The following SHB variants were observed in gnomAD, a reference collection of about 807,000 sequenced individuals.
The protein encoded by SHB is SH2 domain-containing adapter protein B.
Under a neutral mutation model 52.3 loss-of-function variants are expected in SHB, and 20 were observed. The ratio of observed to expected loss-of-function variants is 0.38; its 90% CI spans 0.27 to 0.56. The LOEUF is 0.56. SHB is among the 20% of genes least tolerant of loss of function. The pLI, the probability that SHB is intolerant of heterozygous loss-of-function variation, is 0.71. For synonymous variants in SHB, 397 were observed against 316.5 expected, an observed-to-expected ratio of 1.25 and a Z score of -2.70; for missense variants, 825 against 723.3, an observed-to-expected ratio of 1.14 and a Z score of -1.61.
intron 2 of SHB, among the ~76,000 whole-genome samples, chr9:38,005,284 A>G (rs2118051287): frequency 6.6e-6 from 1 of 152,326 alleles, no homozygotes; most frequent in Non-Finnish European, 1.5e-5. Flanking sequence ...ATACCCTGAA[A>G]GGGAGAGTGA....
At chr9:37,990,523 C>A (rs1271568153) in intron 2 of SHB, among the ~76,000 whole-genome samples, 2 of 152,038 alleles carry the variant, frequency 1.3e-5, no homozygotes, top group Admixed American at 1.3e-4. Flanking sequence ...GAATTTAGCA[C>A]AGAAAACAAA....
intron 1 of SHB, among the ~76,000 whole-genome samples, chr9:38,030,816 C>G (rs922333666): frequency 1.3e-5 from 2 of 152,168 alleles, no homozygotes; most frequent in Non-Finnish European, 2.9e-5. Context: ...AGACTGTAAT[C>G]CCCTCCTCTT....
chr9:37,990,915 C>T (rs544416936), intron 2 of SHB, among the ~76,000 whole-genome samples: 5 of 152,172 alleles, frequency 3.3e-5, no homozygotes, highest in African/African-American at 4.8e-5. Context: ...TTTGTAGATA[C>T]GCACAGATGT....
intron 4 of SHB, among the ~76,000 whole-genome samples, chr9:37,954,128 C>T (rs1282363433): frequency 1.3e-5 from 2 of 152,212 alleles, no homozygotes; most frequent in African/African-American, 2.4e-5. Flanking sequence ...ACAGTTTGAT[C>T]AGAAATAAGC....
chr9:37,928,682 C>A (rs1280342155), intron 5 of SHB, among the ~76,000 whole-genome samples: 1 of 152,366 alleles, frequency 6.6e-6, no homozygotes, highest in East Asian at 1.9e-4. Flanking sequence ...CAGAGTCCAC[C>A]CTTGCTGCTG....
chr9:37,961,755 G>A (rs1021388169), intron 3 of SHB, among the ~76,000 whole-genome samples: 1 of 152,208 alleles, frequency 6.6e-6, no homozygotes, highest in African/African-American at 2.4e-5. Context: ...GGTAGGTTTT[G>A]CTCTAGACCC....
At chr9:37,947,631 G>A (rs1280195337) in intron 5 of SHB, among the ~76,000 whole-genome samples, 1 of 152,200 alleles carries the variant, frequency 6.6e-6, no homozygotes, top group African/African-American at 2.4e-5. Flanking sequence ...CAGAAGTTGT[G>A]GGGGGAGGGG....
rs1832131232 is a variant in SHB at position 37,918,441 on chromosome 9, GT to G, written c.*1379del. 7.9e-6 allele frequency among the ~76,000 whole-genome samples: 1 copy of G among 125,874 alleles called. No individual in the cohort carries two copies. Among genetic ancestry groups the G allele is most frequent in the African/African-American group, 3.1e-5 (1 of 32,606 alleles). The allele number at this position is 125,874 out of a possible 152,430, so 82.6% of individuals were successfully genotyped here. A position where few individuals can be genotyped will look rare whatever the true frequency, so the allele number is the denominator to read the frequency against. Reference sequence around the variant, plus strand: ...GAGGGCTGTGTGTGTGTGTGTGTGTGTGTGTAGGTGTTCTTGTGTGTGGAAG... The same window carrying G: ...GAGGGCTGTGTGTGTGTGTGTGTGTGGTGTAGGTGTTCTTGTGTGTGGAAG... On this transcript the variant is annotated 3_prime_UTR_variant, in exon 6 of 6. Coordinates refer to ENST00000377707, the MANE Select transcript of SHB (RefSeq NM_003028.3).
At chr9:38,048,681 T>C (rs369315915) in intron 1 of SHB, among the ~76,000 whole-genome samples, 4 of 152,254 alleles carry the variant, frequency 2.6e-5, no homozygotes, top group South Asian at 2.1e-4. Flanking sequence ...AAGTATTACA[T>C]TGTTGAGTGT....
chr9:38,064,030 G>T (rs897900054), intron 1 of SHB, among the ~76,000 whole-genome samples: 1 of 151,436 alleles, frequency 6.6e-6, no homozygotes, highest in Non-Finnish European at 1.5e-5. Context: ...AATATAACTG[G>T]ATGAGACCTG....
At chr9:37,964,358 C>T (rs1288870253) in intron 3 of SHB, among the ~76,000 whole-genome samples, 2 of 152,092 alleles carry the variant, frequency 1.3e-5, no homozygotes, top group African/African-American at 2.4e-5. Context: ...ATGGGGACGG[C>T]GGGCCTGGCA....
chr9:37,984,341 C>T (rs114044319), intron 2 of SHB, among the ~76,000 whole-genome samples: 181 of 152,320 alleles, frequency 1.2e-3, no homozygotes, highest in African/African-American at 3.8e-3. Flanking sequence ...GGGTCCACAA[C>T]TCCCGAGGCC....
At chr9:38,041,890 C>T (rs1176246782) in intron 1 of SHB, among the ~76,000 whole-genome samples, 1 of 152,200 alleles carries the variant, frequency 6.6e-6, no homozygotes, top group African/African-American at 2.4e-5. Flanking sequence ...TTAAATAGTG[C>T]TTTGGGCCTT....
intron 5 of SHB, among the ~76,000 whole-genome samples, chr9:37,948,311 C>T (rs1832517650): frequency 6.6e-6 from 1 of 152,160 alleles, no homozygotes. Flanking sequence ...AAAGGACCAT[C>T]GTCGTGGGCT....
chr9:38,016,250 T>C (rs7037371), intron 1 of SHB, 119 bp from the exon 2 acceptor site: 516,747 of 1,061,662 alleles, frequency 0.49, 128,491 homozygotes, highest in Middle Eastern at 0.57. Flanking sequence ...AGGCAGGAAC[T>C]AAAGCCGGCG....
intron 5 of SHB, among the ~76,000 whole-genome samples, chr9:37,933,916 G>A (rs1832340510): frequency 6.6e-6 from 1 of 152,332 alleles, no homozygotes; most frequent in Non-Finnish European, 1.5e-5. Context: ...AGGTCCCTCA[G>A]AGACAGGAAG....
intron 1 of SHB, among the ~76,000 whole-genome samples, chr9:38,049,630 C>T (rs866582634): frequency 1.0e-5 from 1 of 98,484 alleles, no homozygotes; most frequent in Non-Finnish European, 2.1e-5. Context: ...AAACAAAAAA[C>T]AAAGCAAAAA....
At chr9:37,954,225 A>T (rs1441723264) in intron 4 of SHB, among the ~76,000 whole-genome samples, 1 of 152,244 alleles carries the variant, frequency 6.6e-6, no homozygotes, top group Non-Finnish European at 1.5e-5. Context: ...AAGCCTCCAG[A>T]GGTGACAGCA....
chr9:37,921,671 G>C (rs921910044), intron 5 of SHB, among the ~76,000 whole-genome samples: 1 of 152,172 alleles, frequency 6.6e-6, no homozygotes, highest in Non-Finnish European at 1.5e-5. Context: ...TCAGTGAAGG[G>C]TCATTTCATC....
Sources: allele counts gnomAD v4.1 joint callset (sites outside exome capture counted in the v4.1 genomes callset), GRCh38; gene constraint gnomAD v4.1.1; transcripts MANE v1.5; gene names NCBI Gene and HGNC (gene_info 2026-07-23, HGNC 2026-07-21).